Variants in NARS2 observed in about 807,000 individuals in gnomAD.
NARS2 encodes asparaginyl-tRNA synthetase 2, mitochondrial.
In NARS2, 60 loss-of-function variants were observed where a neutral mutation model predicts 62.9. The ratio of observed to expected loss-of-function variants is 0.95; its 90% CI spans 0.77 to 1.18. The LOEUF (loss-of-function observed/expected upper bound fraction) is 1.18, where lower values mean the gene tolerates loss of function less well. Ranked by LOEUF, NARS2 falls within the 50% of genes most tolerant of loss-of-function variation. NARS2 has a pLI of 0.00. For missense variants in NARS2, 619 were observed against 576.4 expected (o/e 1.07, Z -0.76); for synonymous variants, 196 against 200.0 (o/e 0.98, Z 0.17).
chr11:78,485,773 C>T (rs1324311994), intron 7 of NARS2, among the ~76,000 whole-genome samples: 1 of 152,166 alleles, frequency 6.6e-6, no homozygotes, highest in African/African-American at 2.4e-5. Context: ...GACAGTGGCA[C>T]AAGCACCTAA....
chr11:78,540,169 A>G (rs1347629551), intron 5 of NARS2, among the ~76,000 whole-genome samples: 1 of 152,202 alleles, frequency 6.6e-6, no homozygotes, highest in Non-Finnish European at 1.5e-5. Context: ...CACAGCCAAG[A>G]AAGGGGAAAC....
intron 5 of NARS2, among the ~76,000 whole-genome samples, chr11:78,542,431 A>G (rs1855654921): frequency 6.6e-6 from 1 of 152,172 alleles, no homozygotes; most frequent in South Asian, 2.1e-4. Flanking sequence ...AATGAACCAA[A>G]CTTTTTTTCA....
intron 10 of NARS2, 122 bp from the exon 11 acceptor site, chr11:78,466,135 C>G: frequency 1.0e-6 from 1 of 992,250 alleles, no homozygotes; most frequent in South Asian, 1.7e-5. Flanking sequence ...ATGTGTGGAG[C>G]TAGCTGCTAA....
rs1555015326 is a variant in NARS2, at chr11:78,468,310, G to GGAAAAAA, written c.1026+936_1026+937insTTTTTTC. Among the ~76,000 whole-genome samples the GGAAAAAA allele has an allele frequency of 5.3e-3, 357 of 67,416 alleles. 7 individuals are homozygous for GGAAAAAA. The highest frequency in any genetic ancestry group is 0.025 in the South Asian group (52 of 2,092). The allele number at this position is 67,416 out of a possible 152,430, so 44.2% of individuals were successfully genotyped here. On this transcript the variant is annotated intron_variant, in intron 10 of 13. Transcript: ENST00000281038. ...ACCTGCTTCTGCAAGCACTAAATCTGAAAAAAAAAAAAAAAAAAGAAAAAA... is the reference window on the plus strand; with the variant it reads ...ACCTGCTTCTGCAAGCACTAAATCTGGAAAAAAAAAAAAAAAAAAAAAAAAGAAAAAA...
At position 78,449,293 on chromosome 11, in the gene NARS2, G is replaced by A. The variant is rs187232664; in HGVS notation, c.1165-5535C>T. Among the ~76,000 whole-genome samples, 115 of 151,810 alleles carry A rather than the reference G, an allele frequency of 7.6e-4. No homozygotes were observed. In the East Asian group the frequency reaches 0.021, roughly 28 times the overall value. On this transcript the variant is annotated intron_variant, in intron 11 of 13. Transcript: ENST00000281038. ...TGGGACTACAGGCACCTGCCACCAT[G>A]CCCGGCTAATTTTTTTGTATTTTTA...
intron 5 of NARS2, among the ~76,000 whole-genome samples, chr11:78,548,918 T>A (rs1855981470): frequency 6.6e-6 from 1 of 152,202 alleles, no homozygotes; most frequent in African/African-American, 2.4e-5. Flanking sequence ...GGAGAGTCTG[T>A]AATGTCTGAA....
At chr11:78,448,533 G>A (rs1210577840) in intron 11 of NARS2, among the ~76,000 whole-genome samples, 2 of 151,986 alleles carry the variant, frequency 1.3e-5, no homozygotes, top group Admixed American at 1.3e-4. Flanking sequence ...CTTGAACCAC[G>A]AGGTCTTGAC....
At chr11:78,436,851 A>G in intron 13 of NARS2, 37 bp from the exon 14 acceptor site, 1 of 1,582,638 alleles carries the variant, frequency 6.3e-7, no homozygotes, top group Non-Finnish European at 8.6e-7. Flanking sequence ...ATCTATATAT[A>G]GTATAAGACC....
At chr11:78,470,222 C>T (rs774319800) in intron 9 of NARS2, among the ~76,000 whole-genome samples, 1 of 152,138 alleles carries the variant, frequency 6.6e-6, no homozygotes, top group Non-Finnish European at 1.5e-5. Context: ...AATACTGATT[C>T]TCTCCATGAG....
intron 9 of NARS2, among the ~76,000 whole-genome samples, chr11:78,474,820 G>A (rs1313554690): frequency 6.6e-6 from 1 of 152,012 alleles, no homozygotes; most frequent in Non-Finnish European, 1.5e-5. Flanking sequence ...AATATTTTAT[G>A]TATTTACAGG....
At chr11:78,465,295 AC>A (rs1858573739) in intron 11 of NARS2, among the ~76,000 whole-genome samples, 2 of 152,086 alleles carry the variant, frequency 1.3e-5, no homozygotes, top group East Asian at 1.9e-4. Context: ...CCTCCACACC[AC>A]CCCACAAGCT....
intron 6 of NARS2, among the ~76,000 whole-genome samples, chr11:78,514,613 A>G (rs991852312): frequency 1.3e-5 from 2 of 152,202 alleles, no homozygotes; most frequent in African/African-American, 2.4e-5. Flanking sequence ...AAGGCACTCA[A>G]TCCTTCATAT....
intron 4 of NARS2, among the ~76,000 whole-genome samples, chr11:78,562,142 A>G (rs994917767): frequency 2.0e-5 from 3 of 152,232 alleles, no homozygotes; most frequent in Non-Finnish European, 4.4e-5. Flanking sequence ...AATACTCCAC[A>G]TAGGCTGGGG....
At chr11:78,489,712 A>T (rs897970864) in intron 7 of NARS2, among the ~76,000 whole-genome samples, 1 of 152,162 alleles carries the variant, frequency 6.6e-6, no homozygotes, top group Non-Finnish European at 1.5e-5. Flanking sequence ...ACTATAAAAC[A>T]TCACATCAAA....
chr11:78,524,239 T>G (rs1861224391), intron 6 of NARS2, among the ~76,000 whole-genome samples: 1 of 152,146 alleles, frequency 6.6e-6, no homozygotes, highest in South Asian at 2.1e-4. Context: ...TTATTAGTAA[T>G]TTTTCACTAT....
intron 5 of NARS2, chr11:78,558,575 T>C (rs1856447706): frequency 6.6e-6 from 1 of 152,206 alleles, no homozygotes; most frequent in Non-Finnish European, 1.5e-5. Flanking sequence ...ATTCTCTCTG[T>C]CCATTATTAT....
intron 11 of NARS2, among the ~76,000 whole-genome samples, chr11:78,447,051 AAAAAC>A (rs1445462612): frequency 2.0e-5 from 3 of 151,924 alleles, no homozygotes; most frequent in Admixed American, 6.5e-5. Context: ...TTCTCAAAAA[AAAAAC>A]AAACAAACAT....
intron 9 of NARS2, among the ~76,000 whole-genome samples, chr11:78,472,665 T>C (rs943816588): frequency 3.3e-5 from 5 of 152,208 alleles, no homozygotes; most frequent in Non-Finnish European, 5.9e-5. Context: ...TCACATGGTA[T>C]CTATACAGAT....
rs115152095 is a variant in NARS2, at chr11:78,569,143, C to A, written c.252-391G>T. ...GCAATTAAAAAAAAATTTTTTTTTACTTAGTTGACTGGTGATCTAAGCACA... is the reference window on the plus strand; with the variant it reads ...GCAATTAAAAAAAAATTTTTTTTTAATTAGTTGACTGGTGATCTAAGCACA... On this transcript the variant is annotated intron_variant, in intron 2 of 13. Transcript: ENST00000281038. 8.7e-3 allele frequency among the ~76,000 whole-genome samples: 1,318 copies of A among 151,002 alleles called. 18 individuals are homozygous for A. The highest frequency in any genetic ancestry group is 0.031 in the African/African-American group (1,247 of 40,402).
Sources: allele counts gnomAD v4.1 joint callset (sites outside exome capture counted in the v4.1 genomes callset), GRCh38; gene constraint gnomAD v4.1.1; transcripts MANE v1.5; gene names NCBI Gene and HGNC (gene_info 2026-07-23, HGNC 2026-07-21).